The following WDR36 variants were observed in gnomAD, a reference collection of about 807,000 sequenced individuals.
WDR36 encodes WD repeat domain 36, also known as WD repeat-containing protein 36.
Under a neutral mutation model 112.7 loss-of-function variants are expected in WDR36, and 63 were observed. The observed-to-expected ratio is 0.56, with a 90% confidence interval of 0.46 to 0.69. WDR36 has a LOEUF of 0.69. WDR36 is among the 30% of genes least tolerant of loss of function. The pLI, the probability that WDR36 is intolerant of heterozygous loss-of-function variation, is 0.00. For synonymous variants in WDR36, 410 were observed against 362.2 expected, an observed-to-expected ratio of 1.13 and a Z score of -1.50; for missense variants, 1,226 against 1,070.3, an observed-to-expected ratio of 1.15 and a Z score of -2.03.
rs777089911 is a variant in WDR36, at chr5:111,103,824, A to G, written c.636A>G (p.Ser212=). ...AVDVVAIGLM[S]GQVIIHNIKF... ...ATGTTGTTGCTATTGGTCTTATGTCAGGTCAAGTTATCATTCACAACATTA... is the reference window on the plus strand; with the variant it reads ...ATGTTGTTGCTATTGGTCTTATGTCGGGTCAAGTTATCATTCACAACATTA... Residue 212 remains serine (S), a synonymous_variant, in exon 7 of 23, where the codon TCA becomes TCG. Coordinates refer to ENST00000513710, the MANE Select transcript of WDR36 (RefSeq NM_139281.3). The G allele has an allele frequency of 1.2e-5, 19 of 1,611,348 alleles. No individual in the cohort carries two copies. The highest frequency in any genetic ancestry group is 1.1e-4 in the South Asian group (10 of 91,006).
At position 111,106,069 on chromosome 5, in the gene WDR36, A is replaced by G; in HGVS notation, c.1106A>G (p.Lys369Arg). Residue 369 changes from lysine to arginine, a missense_variant, in exon 11 of 23, where the codon AAA (lysine) becomes AGA (arginine). Transcript: ENST00000513710. ...NKSLGHGLINKKRVKRKGLQN... is the reference protein window; with the variant it reads ...NKSLGHGLINRKRVKRKGLQN... Reference sequence around the variant, plus strand: ...CCCCCATCCTTAGGATTAATAAATAAAAAGAGAGTTAAACGTAAAGGACTT... The same window carrying G: ...CCCCCATCCTTAGGATTAATAAATAGAAAGAGAGTTAAACGTAAAGGACTT... The G allele has an allele frequency of 1.2e-6, 2 of 1,609,214 alleles. No individual in the cohort carries two copies. Among genetic ancestry groups the G allele is most frequent in the Non-Finnish European group, 1.7e-6 (2 of 1,176,444 alleles).
At position 111,119,084 on chromosome 5, in the gene WDR36, C is replaced by T. The variant is rs1315447932; in HGVS notation, c.1868C>T (p.Ala623Val). The change falls in exon 17 of 23, where the codon GCA becomes GTA. Residue 623 changes from alanine (A) to valine (V), a missense_variant. Ala to Val is a moderately conservative substitution (Grantham distance 64). Coordinates refer to ENST00000513710, the MANE Select transcript of WDR36 (RefSeq NM_139281.3). ...ATGTCTCCTACTGGAGACTTTCTGG[C>T]AACTTCCCATGTGGACCACCTTGGA... ...VSMSPTGDFL[A>V]TSHVDHLGIY... 6.2e-7 allele frequency: 1 copy of T among 1,613,590 alleles called. No homozygotes were observed.
chr5:111,112,948 T>A (rs1183681744), intron 15 of WDR36, 126 bp from the exon 16 acceptor site: 1 of 204,310 alleles, frequency 4.9e-6, no homozygotes, highest in Non-Finnish European at 9.0e-6. Context: ...CTGCATTATC[T>A]TTTCATTTAT....
intron 12 of WDR36, 111 bp downstream of exon 12, chr5:111,107,550 T>A: frequency 7.1e-7 from 1 of 1,412,786 alleles, no homozygotes; most frequent in Non-Finnish European, 9.6e-7. Context: ...TAGTTTAACA[T>A]TTTAAAGCAT....
Position 111,092,370 on chromosome 5 carries a change from A to T in WDR36, c.-87A>T. On this transcript the variant is annotated 5_prime_UTR_variant, in exon 1 of 23. Transcript: ENST00000513710. ...GGTGTTGTGTCTGCAGCTCTGGCAG[A>T]GGACTGTTCCACTAGACACGCTGAA... 1 of 1,614,224 alleles carries T rather than the reference A, an allele frequency of 6.2e-7. No homozygotes were observed. Among genetic ancestry groups the T allele is most frequent in the Non-Finnish European group, 8.5e-7 (1 of 1,180,036 alleles).
intron 16 of WDR36, among the ~76,000 whole-genome samples, chr5:111,114,358 A>G (rs1177724488): frequency 1.3e-5 from 2 of 152,176 alleles, no homozygotes; most frequent in Middle Eastern, 3.2e-3. Context: ...AATATTCCCA[A>G]ATTAAGCTCT....
chr5:111,120,733 G>A, intron 18 of WDR36, 140 bp downstream of exon 18: 3 of 790,862 alleles, frequency 3.8e-6, no homozygotes, highest in Non-Finnish European at 6.4e-6. Context: ...ATGACTTCAT[G>A]AATTTATGCA....
chr5:111,097,263 C>A, intron 3 of WDR36, 84 bp downstream of exon 3: 1 of 944,390 alleles, frequency 1.1e-6, no homozygotes, highest in Non-Finnish European at 1.7e-6. Flanking sequence ...TCATTCTTTA[C>A]CCAGCACACT....
chr5:111,123,939 A>G lies in WDR36; in HGVS notation c.2268+15A>G, dbSNP rs1236510652. 1.2e-6 allele frequency: 2 copies of G among 1,613,298 alleles called. No homozygotes were observed. Among genetic ancestry groups the G allele is most frequent in the South Asian group, 1.1e-5 (1 of 91,074 alleles). On this transcript the variant is annotated intron_variant, in intron 20 of 22. Coordinates refer to ENST00000513710, the MANE Select transcript of WDR36 (RefSeq NM_139281.3). ...ATCCCCAGCAGGTAAAAAACAAATT[A>G]GAAGATTCTAAGTATATCGGTGTAT...
intron 6 of WDR36, 104 bp downstream of exon 6, chr5:111,102,503 A>AGCT (rs1223872680): frequency 8.8e-7 from 1 of 1,139,800 alleles, no homozygotes; most frequent in Non-Finnish European, 1.3e-6. Flanking sequence ...AACAATATAT[A>AGCT]GCTTAGTTTA....
At chr5:111,113,030 T>TA (rs1411559857) in intron 15 of WDR36, 44 bp from the exon 16 acceptor site, 1 of 339,408 alleles carries the variant, frequency 2.9e-6, no homozygotes, top group Admixed American at 8.0e-5. Flanking sequence ...TATTTATATA[T>TA]AAATAATATA....
In WDR36 at chr5:111,105,543, C is replaced by G. The variant is rs542074235; in HGVS notation, c.1093+183C>G. Among the ~76,000 whole-genome samples, 3 of 151,634 alleles carry G rather than the reference C, an allele frequency of 2.0e-5. No individual in the cohort carries two copies. The East Asian group carries it at 5.8e-4, about 29-fold the overall frequency. Reference sequence around the variant, plus strand: ...TGCTATAGAAGTGATTGAGGTTCTGCTATAAGGTTATTGAAAAAAGTTAGA... The same window carrying G: ...TGCTATAGAAGTGATTGAGGTTCTGGTATAAGGTTATTGAAAAAAGTTAGA... On this transcript the variant is annotated intron_variant, in intron 10 of 22. Transcript: ENST00000513710.
At chr5:111,092,700 CT>C in intron 1 of WDR36, 82 bp downstream of exon 1, 1 of 1,459,250 alleles carries the variant, frequency 6.9e-7, no homozygotes, top group South Asian at 1.2e-5. Flanking sequence ...CCGGTTCTCC[CT>C]TCCCATTTAC....
chr5:111,100,811 C>T, intron 5 of WDR36, 90 bp downstream of exon 5: 2 of 1,327,622 alleles, frequency 1.5e-6, no homozygotes, highest in Non-Finnish European at 2.1e-6. Context: ...TTCTCCCTGC[C>T]CTTGTATATT....
Position 111,106,068 on chromosome 5 carries a change from A to G in WDR36, c.1105A>G (p.Lys369Glu), listed in dbSNP as rs1209313398. 6.2e-7 allele frequency: 1 copy of G among 1,608,770 alleles called. No homozygotes were observed. The highest frequency in any genetic ancestry group is 1.7e-5 in the Admixed American group (1 of 59,682). The change falls in exon 11 of 23, where the codon AAA becomes GAA. Residue 369 changes from lysine to glutamate, a missense_variant. Lys to Glu is a moderately conservative substitution (Grantham distance 56). Coordinates refer to ENST00000513710, the MANE Select transcript of WDR36 (RefSeq NM_139281.3). ...NKSLGHGLIN[K>E]KRVKRKGLQN... ...TCCCCCATCCTTAGGATTAATAAAT[A>G]AAAAGAGAGTTAAACGTAAAGGACT... is the stretch of plus-strand genomic sequence containing the variant.
At chr5:111,125,503 C>A (rs1283145129) in intron 21 of WDR36, 105 bp from the exon 22 acceptor site, 6 of 1,190,510 alleles carry the variant, frequency 5.0e-6, no homozygotes, top group Non-Finnish European at 7.1e-6. Flanking sequence ...GGAAGAATTT[C>A]CTGTACCATT....
chr5:111,111,272 T>C lies in WDR36; in HGVS notation c.1710T>C (p.Asn570=). 6.2e-7 allele frequency: 1 copy of C among 1,610,628 alleles called. No individual in the cohort carries two copies. The highest frequency in any genetic ancestry group is 1.1e-5 in the South Asian group (1 of 91,028). The change falls in exon 15 of 23, where the codon AAT becomes AAC. Residue 570 remains asparagine, a synonymous_variant. Coordinates refer to ENST00000513710, the MANE Select transcript of WDR36 (RefSeq NM_139281.3). ...REFSGHQGQI[N]DMAFSPDGRW... ...TTTCTGGACACCAAGGCCAAATAAA[T>C]GACATGGTAAAACAAACTCTAACTA...
chr5:111,093,358 TAGTC>T (rs1752909423), intron 1 of WDR36, among the ~76,000 whole-genome samples: 2 of 152,346 alleles, frequency 1.3e-5, no homozygotes, highest in South Asian at 2.1e-4. Context: ...AGGATGATAA[TAGTC>T]AGTGTTAATT....
chr5:111,122,093 A>T (rs1479602132), intron 19 of WDR36, among the ~76,000 whole-genome samples: 3 of 152,204 alleles, frequency 2.0e-5, no homozygotes, highest in Admixed American at 1.3e-4. Context: ...TTACTTGCTA[A>T]CTTTTTGAGA....
Sources: gnomAD v4.1 joint callset for allele counts (sites outside exome capture counted in the v4.1 genomes callset) on GRCh38, gnomAD v4.1.1 for gene constraint, MANE v1.5 for transcripts, NCBI Gene and HGNC (gene_info 2026-07-23, HGNC 2026-07-21) for gene names.